The following FSHR variants were observed in gnomAD, a reference collection of about 807,000 sequenced individuals.
FSHR encodes follicle-stimulating hormone receptor.
In FSHR, 46 loss-of-function variants were observed where a neutral mutation model predicts 52.1. The observed-to-expected ratio is 0.88, with a 90% CI of 0.70 to 1.13. The LOEUF is 1.13. Among genes scored for constraint, FSHR ranks in the 50% most tolerant of loss-of-function variants. FSHR has a pLI of 0.00. For synonymous variants in FSHR, 399 were observed against 309.6 expected (o/e 1.29, Z -3.03); for missense variants, 964 against 834.6 (o/e 1.16, Z -1.91).
chr2:49,019,873 G>A (rs935025222), intron 3 of FSHR, among the ~76,000 whole-genome samples: 1 of 152,184 alleles, frequency 6.6e-6, no homozygotes, highest in Non-Finnish European at 1.5e-5. Context: ...AATGATGACA[G>A]GCAGGCAACA....
At chr2:48,965,098 A>T (rs1341690687) in intron 9 of FSHR, among the ~76,000 whole-genome samples, 5 of 152,122 alleles carry the variant, frequency 3.3e-5, no homozygotes, top group Non-Finnish European at 7.4e-5. Context: ...TTAAACCTTG[A>T]CATAACCTCA....
intron 2 of FSHR, among the ~76,000 whole-genome samples, chr2:49,065,422 G>A (rs11125205): frequency 0.35 from 52,632 of 151,888 alleles, 9,727 homozygotes; most frequent in East Asian, 0.49. Flanking sequence ...GAGGCAGTCA[G>A]TAGGACTGGA....
intron 1 of FSHR, among the ~76,000 whole-genome samples, chr2:49,093,240 G>C (rs1057315381): frequency 1.3e-5 from 2 of 152,166 alleles, no homozygotes; most frequent in Non-Finnish European, 2.9e-5. Context: ...TCATTCTTCT[G>C]TATCCTTACT....
At chr2:48,979,719 C>T (rs145958874) in intron 8 of FSHR, among the ~76,000 whole-genome samples, 1 of 152,196 alleles carries the variant, frequency 6.6e-6, no homozygotes, top group Non-Finnish European at 1.5e-5. Context: ...AAATGCATTA[C>T]CCTGATTCTG....
rs139319320 is a variant in FSHR at position 49,124,630 on chromosome 2, T to C, written c.152+29636A>G. Among the ~76,000 whole-genome samples, 59 of 152,236 alleles carry C rather than the reference T, an allele frequency of 3.9e-4. No individual in the cohort carries two copies. The East Asian group carries it at 0.01, about 27-fold the overall frequency. On this transcript the variant is annotated intron_variant, in intron 1 of 9. Transcript: ENST00000406846. ...TCTCTCATGTCCCCAATTAGACTTGTCAGTAGTCTTGTTGTCACAACCTTC... is the reference window on the plus strand; with the variant it reads ...TCTCTCATGTCCCCAATTAGACTTGCCAGTAGTCTTGTTGTCACAACCTTC...
chr2:49,067,957 G>A (rs558202480), intron 2 of FSHR, among the ~76,000 whole-genome samples: 23 of 151,600 alleles, frequency 1.5e-4, no homozygotes, highest in Non-Finnish European at 2.9e-4. Flanking sequence ...TCCATTCACC[G>A]GTACTCTGGG....
chr2:49,089,286 G>T (rs72822026), intron 1 of FSHR, among the ~76,000 whole-genome samples: 7,849 of 152,090 alleles, frequency 0.052, 466 homozygotes, highest in East Asian at 0.22. Flanking sequence ...TTTCTTTTCA[G>T]CATTGTTTCT....
intron 9 of FSHR, among the ~76,000 whole-genome samples, chr2:48,964,809 C>T (rs1453844319): frequency 6.6e-6 from 1 of 152,096 alleles, no homozygotes; most frequent in Non-Finnish European, 1.5e-5. Flanking sequence ...GATAGAGGTA[C>T]TTACAGAGGG....
chr2:49,081,473 T>C (rs1205033497), intron 1 of FSHR, among the ~76,000 whole-genome samples: 2 of 152,216 alleles, frequency 1.3e-5, no homozygotes, highest in African/African-American at 4.8e-5. Flanking sequence ...TAATTAATTT[T>C]CAAGATTGAA....
At chr2:49,079,573 G>A (rs547597974) in intron 1 of FSHR, among the ~76,000 whole-genome samples, 39 of 152,146 alleles carry the variant, frequency 2.6e-4, no homozygotes, top group Middle Eastern at 3.4e-3. Context: ...AGAAAATAAA[G>A]AGCACGGAAA....
At chr2:49,015,707 T>G (rs2104205003) in intron 4 of FSHR, among the ~76,000 whole-genome samples, 1 of 152,308 alleles carries the variant, frequency 6.6e-6, no homozygotes, top group African/African-American at 2.4e-5. Flanking sequence ...CATGATGAAC[T>G]TAGAGATCAA....
intron 4 of FSHR, among the ~76,000 whole-genome samples, chr2:48,992,385 T>G (rs757971621): frequency 1.3e-5 from 2 of 152,188 alleles, no homozygotes; most frequent in Non-Finnish European, 2.9e-5. Flanking sequence ...TTTCTGTTTC[T>G]GTAATTTTGC....
intron 1 of FSHR, among the ~76,000 whole-genome samples, chr2:49,110,385 C>A (rs189381911): frequency 2.0e-5 from 3 of 152,102 alleles, no homozygotes; most frequent in African/African-American, 7.2e-5. Context: ...TATACTGTCT[C>A]TGCATACTAA....
At chr2:49,073,542 A>G (rs1669832704) in intron 1 of FSHR, among the ~76,000 whole-genome samples, 1 of 152,006 alleles carries the variant, frequency 6.6e-6, no homozygotes, top group Admixed American at 6.6e-5. Flanking sequence ...AATAAAAGAA[A>G]TTAAAGAAGA....
intron 1 of FSHR, among the ~76,000 whole-genome samples, chr2:49,148,769 G>C (rs969395186): frequency 2.0e-5 from 3 of 151,984 alleles, no homozygotes; most frequent in African/African-American, 7.2e-5. Flanking sequence ...GTACAAACAG[G>C]AGGCATAACG....
At chr2:49,025,633 G>A (rs941919390) in intron 2 of FSHR, among the ~76,000 whole-genome samples, 19 of 152,064 alleles carry the variant, frequency 1.2e-4, no homozygotes, top group Non-Finnish European at 4.4e-5. Flanking sequence ...CTCTCTTTGT[G>A]GAGTCTGGGA....
chr2:48,997,285 C>G, intron 4 of FSHR: 1 of 985,064 alleles, frequency 1.0e-6, no homozygotes, highest in Non-Finnish European at 1.2e-6. Context: ...ATTTTCAAAA[C>G]TAGAAGTATT....
At chr2:49,118,281 A>G (rs543980191) in intron 1 of FSHR, among the ~76,000 whole-genome samples, 10 of 152,154 alleles carry the variant, frequency 6.6e-5, no homozygotes, top group Non-Finnish European at 1.3e-4. Context: ...TTTCAGAGAC[A>G]CAGCCAAGGC....
At chr2:49,097,940 C>T (rs1197846008) in intron 1 of FSHR, among the ~76,000 whole-genome samples, 2 of 146,692 alleles carry the variant, frequency 1.4e-5, no homozygotes, top group African/African-American at 2.5e-5. Context: ...ATACTCTCTG[C>T]CCAAATTTTT....
Sources: allele counts gnomAD v4.1 joint callset (sites outside exome capture counted in the v4.1 genomes callset), GRCh38; gene constraint gnomAD v4.1.1; transcripts MANE v1.5; gene names NCBI Gene and HGNC (gene_info 2026-07-23, HGNC 2026-07-21).